Variants in PTPRM observed in about 807,000 individuals in gnomAD.
PTPRM encodes the protein receptor-type tyrosine-protein phosphatase mu.
Under a neutral mutation model 186.7 loss-of-function variants are expected in PTPRM, and 47 were observed. The observed-to-expected ratio is 0.25, with a 90% CI of 0.20 to 0.32. The LOEUF (loss-of-function observed/expected upper bound fraction) is 0.32. Ranked by LOEUF, PTPRM falls within the 10% of genes least tolerant of loss-of-function variation. The pLI is 1.00. For synonymous variants in PTPRM, 668 were observed against 674.9 expected (o/e 0.99, Z 0.16); for missense variants, 1,494 against 1,865.0 (o/e 0.80, Z 3.66).
At chr18:7,713,926 G>A (rs2040266542) in intron 1 of PTPRM, among the ~76,000 whole-genome samples, 2 of 152,046 alleles carry the variant, frequency 1.3e-5, no homozygotes, top group East Asian at 3.9e-4. Flanking sequence ...TAGTAATAGT[G>A]GGAGACTTTA....
chr18:8,185,420 G>A (rs1271273011), intron 14 of PTPRM, among the ~76,000 whole-genome samples: 5 of 152,204 alleles, frequency 3.3e-5, no homozygotes, highest in Non-Finnish European at 5.9e-5. Flanking sequence ...CACCTTGCTC[G>A]GGGTCCTGTG....
intron 7 of PTPRM, among the ~76,000 whole-genome samples, chr18:7,959,398 G>A (rs1003259459): frequency 6.6e-6 from 1 of 152,108 alleles, no homozygotes; most frequent in African/African-American, 2.4e-5. Flanking sequence ...CAAGCTCTGT[G>A]TTTTCGTTTC....
At chr18:8,150,641 A>C (rs2092984915) in intron 14 of PTPRM, among the ~76,000 whole-genome samples, 2 of 152,068 alleles carry the variant, frequency 1.3e-5, no homozygotes, top group African/African-American at 4.8e-5. Flanking sequence ...TGTGAAGCCT[A>C]CTTCTGTCAC....
chr18:8,308,985 A>C (rs2095247721), intron 20 of PTPRM, among the ~76,000 whole-genome samples: 1 of 152,124 alleles, frequency 6.6e-6, no homozygotes, highest in African/African-American at 2.4e-5. Flanking sequence ...TTTGTTGTTC[A>C]ACTATGTTTG....
intron 2 of PTPRM, among the ~76,000 whole-genome samples, chr18:7,789,795 A>G (rs1027952336): frequency 6.6e-6 from 1 of 152,078 alleles, no homozygotes; most frequent in Non-Finnish European, 1.5e-5. Context: ...AAATGCCTAT[A>G]TTTTGTTCAT....
intron 14 of PTPRM, among the ~76,000 whole-genome samples, chr18:8,216,045 A>C (rs1424709301): frequency 6.6e-6 from 1 of 152,194 alleles, no homozygotes; most frequent in Non-Finnish European, 1.5e-5. Context: ...AGGAGAGTGC[A>C]GTTCTCTTTC....
At position 7,967,076 on chromosome 18, in the gene PTPRM, G is replaced by A. The variant is rs1162590678; in HGVS notation, c.1132+11662G>A. 2.9e-4 allele frequency among the ~76,000 whole-genome samples: 17 copies of A among 58,372 alleles called. 1 individual carries two copies. Among genetic ancestry groups the A allele is most frequent in the South Asian group, 8.5e-4 (1 of 1,178 alleles). The allele number at this position is 58,372 out of a possible 152,430, so 38.3% of individuals were successfully genotyped here. On this transcript the variant is annotated intron_variant, in intron 7 of 32. Transcript: ENST00000580170. The stretch of plus-strand genomic sequence containing the variant: ...TCCCTGTCTGACAGCTTTGAAGAGA[G>A]CAGTGGTTCTCCCAGCACGCAGCTG...
intron 5 of PTPRM, among the ~76,000 whole-genome samples, chr18:7,936,825 C>A (rs1462960424): frequency 2.6e-5 from 4 of 152,158 alleles, no homozygotes; most frequent in Admixed American, 6.5e-5. Flanking sequence ...CCCATGAAAT[C>A]CATGGACTCA....
chr18:7,595,756 G>C (rs1168971663), intron 1 of PTPRM, among the ~76,000 whole-genome samples: 1 of 152,138 alleles, frequency 6.6e-6, no homozygotes, highest in African/African-American at 2.4e-5. Flanking sequence ...ACTATTTCTT[G>C]TGTAATTTTT....
chr18:7,805,918 A>T (rs2044211102), intron 2 of PTPRM, among the ~76,000 whole-genome samples: 1 of 152,228 alleles, frequency 6.6e-6, no homozygotes, highest in South Asian at 2.1e-4. Context: ...AAGAATACGT[A>T]CTCAAGCTTA....
At chr18:7,873,917 C>T (rs1296996102) in intron 2 of PTPRM, among the ~76,000 whole-genome samples, 1 of 152,136 alleles carries the variant, frequency 6.6e-6, no homozygotes, top group Non-Finnish European at 1.5e-5. Flanking sequence ...GTAGGACTCT[C>T]TTCTGTAGAA....
intron 2 of PTPRM, among the ~76,000 whole-genome samples, chr18:7,786,919 A>G (rs927209169): frequency 2.0e-5 from 3 of 152,252 alleles, no homozygotes; most frequent in Non-Finnish European, 2.9e-5. Flanking sequence ...CACCACTGAC[A>G]TGTGAATTTG....
At chr18:7,622,579 T>G (rs1446789135) in intron 1 of PTPRM, among the ~76,000 whole-genome samples, 1 of 152,144 alleles carries the variant, frequency 6.6e-6, no homozygotes, top group Non-Finnish European at 1.5e-5. Context: ...CTGAAATTTG[T>G]TAGTCATCAA....
intron 12 of PTPRM, 41 bp downstream of exon 12, chr18:8,113,800 T>C (rs756632703): frequency 6.5e-7 from 1 of 1,547,452 alleles, no homozygotes; most frequent in South Asian, 1.2e-5. Flanking sequence ...CTATTTGGGG[T>C]TGTTAATGTG....
At chr18:7,743,030 G>C (rs1262081828) in intron 1 of PTPRM, among the ~76,000 whole-genome samples, 1 of 152,204 alleles carries the variant, frequency 6.6e-6, no homozygotes, top group Non-Finnish European at 1.5e-5. Context: ...GGATGAGAAA[G>C]AGGGGCCAAA....
intron 2 of PTPRM, among the ~76,000 whole-genome samples, chr18:7,868,960 C>T (rs576993578): frequency 1.2e-4 from 18 of 152,210 alleles, no homozygotes; most frequent in Non-Finnish European, 1.9e-4. Flanking sequence ...TGGTGGGCTT[C>T]ACCCCGTTCG....
intron 23 of PTPRM, among the ~76,000 whole-genome samples, chr18:8,370,440 G>GA (rs895605500): frequency 3.3e-5 from 5 of 152,224 alleles, no homozygotes; most frequent in Admixed American, 2.6e-4. Flanking sequence ...ACTTCCTTCA[G>GA]AAAAAATATA....
intron 7 of PTPRM, among the ~76,000 whole-genome samples, chr18:7,984,971 TTA>T (rs1309356724): frequency 7.7e-5 from 9 of 116,870 alleles, no homozygotes; most frequent in African/African-American, 2.8e-4. Context: ...ATACATATAA[TTA>T]TATATACATA....
At chr18:8,387,768 G>A (rs989045923) in intron 31 of PTPRM, among the ~76,000 whole-genome samples, 20 of 90,226 alleles carry the variant, frequency 2.2e-4, no homozygotes, top group African/African-American at 5.7e-4. Context: ...GTGTGTGTGC[G>A]CGCGCGTGCA....
Sources: gnomAD v4.1 joint callset for allele counts (sites outside exome capture counted in the v4.1 genomes callset) on GRCh38, gnomAD v4.1.1 for gene constraint, MANE v1.5 for transcripts, NCBI Gene and HGNC (gene_info 2026-07-23, HGNC 2026-07-21) for gene names.